MTA3: variants seen among roughly 807,000 people sequenced by gnomAD.
MTA3 encodes metastasis-associated protein MTA3.
In MTA3, 34 loss-of-function variants were observed where a neutral mutation model predicts 83.5. The observed-to-expected ratio is 0.41, with a 90% confidence interval of 0.31 to 0.54. MTA3 has a LOEUF of 0.54. MTA3 is among the 20% of genes least tolerant of loss of function. The pLI is 0.33. For synonymous variants in MTA3, 303 were observed against 252.7 expected, an observed-to-expected ratio of 1.20 and a Z score of -1.89; for missense variants, 761 against 726.4, an observed-to-expected ratio of 1.05 and a Z score of -0.55.
At chr2:42,523,761 C>T (rs1034939817) in intron 2 of MTA3, among the ~76,000 whole-genome samples, 22 of 151,942 alleles carry the variant, frequency 1.4e-4, no homozygotes, top group African/African-American at 5.3e-4. Flanking sequence ...AAAACAAAAA[C>T]AAAACAAATA....
At chr2:42,740,626 A>G (rs1231165659) in intron 16 of MTA3, among the ~76,000 whole-genome samples, 1 of 152,250 alleles carries the variant, frequency 6.6e-6, no homozygotes, top group Non-Finnish European at 1.5e-5. Flanking sequence ...CTCCTTGTAC[A>G]TCTCCGTCAG....
At chr2:42,632,041 C>T (rs1268077576) in intron 4 of MTA3, among the ~76,000 whole-genome samples, 1 of 150,562 alleles carries the variant, frequency 6.6e-6, no homozygotes, top group Non-Finnish European at 1.5e-5. Context: ...CTGTATTCAC[C>T]CTATGATACC....
chr2:42,654,653 C>T (rs1689001197), intron 6 of MTA3, among the ~76,000 whole-genome samples: 1 of 152,210 alleles, frequency 6.6e-6, no homozygotes, highest in Non-Finnish European at 1.5e-5. Flanking sequence ...TGTTTTGTGA[C>T]ACCCAGGCTG....
At chr2:42,674,090 A>G (rs1324930546) in intron 8 of MTA3, among the ~76,000 whole-genome samples, 2 of 152,192 alleles carry the variant, frequency 1.3e-5, no homozygotes, top group South Asian at 2.1e-4. Flanking sequence ...TGCTCCATGT[A>G]TTTCTCATCC....
intron 11 of MTA3, among the ~76,000 whole-genome samples, chr2:42,701,637 TGGGC>T (rs1665568312): frequency 1.3e-5 from 2 of 152,038 alleles, no homozygotes; most frequent in African/African-American, 2.4e-5. Flanking sequence ...ATTTGTTGGC[TGGGC>T]ACAGTGACTT....
intron 11 of MTA3, chr2:42,702,747 T>G (rs981351851): frequency 1.3e-5 from 2 of 152,220 alleles, no homozygotes; most frequent in Non-Finnish European, 2.9e-5. Flanking sequence ...TATGAATTTA[T>G]TGAGAACGTA....
chr2:42,548,829 AATAT>A lies in MTA3; in HGVS notation c.-140-21594_-140-21591del, dbSNP rs71327611. ...AAAAAAAATATATATATATATATAT[AATAT>A]ATATATATATATAATATATATATAT... is the stretch of plus-strand genomic sequence containing the variant. On this transcript the variant is annotated intron_variant, in intron 2 of 17. Transcript: ENST00000405592. Among the ~76,000 whole-genome samples, 59 of 8,546 alleles carry A rather than the reference AATAT, an allele frequency of 6.9e-3. 1 individual carries two copies. Among genetic ancestry groups the A allele is most frequent in the African/African-American group, 8.3e-3 (28 of 3,378 alleles). 5.6% of individuals were successfully genotyped at this position (8,546 alleles called of 152,430 possible).
intron 2 of MTA3, 127 bp from the exon 3 acceptor site, chr2:42,578,980 C>T (rs1679330963): frequency 3.5e-6 from 2 of 578,762 alleles, no homozygotes; most frequent in African/African-American, 3.9e-5. Context: ...TGTGGTTATC[C>T]TGCAGTTGTG....
At chr2:42,745,721 T>A (rs1469154655) in intron 16 of MTA3, among the ~76,000 whole-genome samples, 1 of 151,908 alleles carries the variant, frequency 6.6e-6, no homozygotes, top group East Asian at 1.9e-4. Context: ...ACCAGATGTA[T>A]CTGTTTCTCC....
chr2:42,591,941 G>C (rs1681055832), intron 3 of MTA3, among the ~76,000 whole-genome samples: 1 of 152,092 alleles, frequency 6.6e-6, no homozygotes, highest in Non-Finnish European at 1.5e-5. Context: ...GAGCCACCGT[G>C]CCTGGCCTTA....
At chr2:42,717,066 C>G (rs184232736) in intron 14 of MTA3, among the ~76,000 whole-genome samples, 3 of 144,086 alleles carry the variant, frequency 2.1e-5, no homozygotes, top group Non-Finnish European at 3.0e-5. Flanking sequence ...TTTTTAACCA[C>G]AATGAGAATT....
intron 8 of MTA3, among the ~76,000 whole-genome samples, chr2:42,673,440 T>C (rs186143112): frequency 3.3e-5 from 5 of 152,344 alleles, no homozygotes; most frequent in African/African-American, 9.6e-5. Flanking sequence ...TTTTGACTTA[T>C]GATATTTTCA....
At chr2:42,624,884 G>T (rs891581696) in intron 4 of MTA3, among the ~76,000 whole-genome samples, 1 of 151,930 alleles carries the variant, frequency 6.6e-6, no homozygotes, top group Admixed American at 6.6e-5. Context: ...ATACCACATC[G>T]GTTCTCCATT....
intron 5 of MTA3, among the ~76,000 whole-genome samples, chr2:42,642,410 C>T (rs1687774501): frequency 6.6e-6 from 1 of 151,862 alleles, no homozygotes; most frequent in Admixed American, 6.6e-5. Context: ...GATCCCAGCA[C>T]TTTGGGAGGT....
intron 7 of MTA3, among the ~76,000 whole-genome samples, chr2:42,658,214 C>G (rs1469450559): frequency 2.0e-5 from 3 of 150,488 alleles, no homozygotes; most frequent in East Asian, 2.1e-4. Context: ...AGAACCAATA[C>G]TCTCATATCC....
chr2:42,593,951 G>GTT (rs60176061), intron 3 of MTA3, among the ~76,000 whole-genome samples: 33 of 140,362 alleles, frequency 2.4e-4, no homozygotes, highest in Middle Eastern at 3.8e-3. Context: ...ATAGGATTAA[G>GTT]TTTTTTTTTT....
chr2:42,669,612 A>G (rs183094852), intron 8 of MTA3, among the ~76,000 whole-genome samples: 10 of 152,308 alleles, frequency 6.6e-5, no homozygotes, highest in Admixed American at 5.9e-4. Flanking sequence ...TGCTAAATAC[A>G]TCATTAAAGC....
In MTA3 at chr2:42,580,123, G is replaced by A. The variant is rs967919142; in HGVS notation, c.190+923G>A. 3.9e-5 allele frequency among the ~76,000 whole-genome samples: 6 copies of A among 151,968 alleles called. No individual in the cohort carries two copies. In the South Asian group the frequency reaches 6.2e-4, roughly 16 times the overall value. The stretch of plus-strand genomic sequence containing the variant: ...GACACCAGGCTAATTTTAAAAAAGC[G>A]TGTTACAGAGATAGAGTCTCCCTAT... On this transcript the variant is annotated intron_variant, in intron 3 of 16. Transcript: ENST00000405094.
chr2:42,627,725 ATTTTTTTTTTTTTT>A (rs869227831), intron 4 of MTA3, among the ~76,000 whole-genome samples: 208 of 103,380 alleles, frequency 2.0e-3, no homozygotes, highest in Non-Finnish European at 3.3e-3. Flanking sequence ...GCCTGGCTAA[ATTTTTTTTTTTTTT>A]TTTTTTTTTT....
Sources: gnomAD v4.1 joint callset for allele counts (sites outside exome capture counted in the v4.1 genomes callset) on GRCh38, gnomAD v4.1.1 for gene constraint, MANE v1.5 for transcripts, NCBI Gene and HGNC (gene_info 2026-07-23, HGNC 2026-07-21) for gene names.